Variants in KCNIP4 observed in about 807,000 individuals in gnomAD.
KCNIP4 encodes potassium voltage-gated channel interacting protein 4, also known as Kv channel-interacting protein 4.
A neutral mutation model predicts 34.0 loss-of-function variants in KCNIP4; 12 were observed. The observed-to-expected ratio is 0.35, with a 90% CI of 0.23 to 0.57. The LOEUF (loss-of-function observed/expected upper bound fraction) is 0.57. Among genes scored for constraint, KCNIP4 ranks in the 20% least tolerant of loss-of-function variants. The pLI is 0.83. For synonymous variants in KCNIP4, 124 were observed against 102.2 expected (o/e 1.21, Z -1.29); for missense variants, 238 against 311.7 (o/e 0.76, Z 1.78).
At chr4:21,556,930 A>AAAAAAAAAAAAAAACAAAAAAAAAC (rs1553903108) in intron 1 of KCNIP4, among the ~76,000 whole-genome samples, 42 of 108,216 alleles carry the variant, frequency 3.9e-4, no homozygotes, top group South Asian at 9.5e-4. Flanking sequence ...CAGAAAAAAA[A>AAAAAAAAAAAAAAACAAAAAAAAAC]AAAAAAAAAA....
intron 1 of KCNIP4, among the ~76,000 whole-genome samples, chr4:21,148,659 A>G (rs1752554714): frequency 6.6e-6 from 1 of 151,818 alleles, no homozygotes; most frequent in Non-Finnish European, 1.5e-5. Context: ...AAAGAACTGG[A>G]CCAAATTCCA....
intron 1 of KCNIP4, among the ~76,000 whole-genome samples, chr4:21,397,901 T>G (rs1484424600): frequency 2.0e-5 from 3 of 152,206 alleles, no homozygotes; most frequent in Non-Finnish European, 4.4e-5. Context: ...TGACATGTTA[T>G]TCTAAGATGA....
chr4:21,757,166 A>AGAAAGAAAGAAG (rs1717639421), intron 1 of KCNIP4, among the ~76,000 whole-genome samples: 1 of 46,378 alleles, frequency 2.2e-5, no homozygotes, highest in African/African-American at 1.2e-4. Context: ...AAAGAAAGAA[A>AGAAAGAAAGAAG]GAAGGAAGGA....
intron 1 of KCNIP4, among the ~76,000 whole-genome samples, chr4:21,653,419 C>T (rs890816028): frequency 2.0e-5 from 3 of 152,164 alleles, no homozygotes; most frequent in Non-Finnish European, 4.4e-5. Context: ...TTGGAACAGT[C>T]TTGTACATGT....
rs1042761043 is a variant in KCNIP4, at chr4:21,157,108, G to A, written c.62-274399C>T. 1.1e-4 allele frequency among the ~76,000 whole-genome samples: 17 copies of A among 152,010 alleles called. 1 individual carries two copies. The highest frequency in any genetic ancestry group is 3.9e-4 in the Admixed American group (6 of 15,242). On this transcript the variant is annotated intron_variant, in intron 1 of 8. Transcript: ENST00000382152. ...AGACATGTAACCTCGCTGAGGCTTC[G>A]TTTTACTCTCTGCAAAAGACAGTTA...
At chr4:21,335,476 C>T (rs1304909848) in intron 1 of KCNIP4, among the ~76,000 whole-genome samples, 3 of 152,136 alleles carry the variant, frequency 2.0e-5, no homozygotes, top group Non-Finnish European at 4.4e-5. Flanking sequence ...CATGCAGAAT[C>T]CAGGATTTAC....
chr4:21,548,360 A>T (rs1387492114), intron 1 of KCNIP4, among the ~76,000 whole-genome samples: 4 of 152,158 alleles, frequency 2.6e-5, no homozygotes, highest in Non-Finnish European at 1.5e-5. Flanking sequence ...GTCTCTTTGC[A>T]TCAATAAAAC....
At chr4:21,510,636 C>T (rs185269185) in intron 1 of KCNIP4, among the ~76,000 whole-genome samples, 179 of 152,222 alleles carry the variant, frequency 1.2e-3, no homozygotes, top group African/African-American at 4.1e-3. Flanking sequence ...GTTGATGATA[C>T]TCTCTAAGCC....
chr4:21,111,510 C>T (rs1317389868), intron 1 of KCNIP4, among the ~76,000 whole-genome samples: 5 of 152,158 alleles, frequency 3.3e-5, no homozygotes, highest in African/African-American at 1.2e-4. Context: ...AAGTCCTTCT[C>T]ATCTAGAACA....
chr4:21,508,118 G>A (rs1734000441), intron 1 of KCNIP4, among the ~76,000 whole-genome samples: 1 of 152,138 alleles, frequency 6.6e-6, no homozygotes, highest in Non-Finnish European at 1.5e-5. Context: ...GGTTTGAATA[G>A]GTGATATTTA....
intron 1 of KCNIP4, among the ~76,000 whole-genome samples, chr4:21,453,890 T>A (rs1728714883): frequency 6.6e-6 from 1 of 152,088 alleles, no homozygotes; most frequent in African/African-American, 2.4e-5. Flanking sequence ...TTTAAAGCAC[T>A]GTCCTGTCAC....
At chr4:21,918,013 G>A (rs937646700) in intron 1 of KCNIP4, among the ~76,000 whole-genome samples, 3 of 152,134 alleles carry the variant, frequency 2.0e-5, no homozygotes, top group African/African-American at 7.2e-5. Flanking sequence ...GGTGTCATTG[G>A]GTTCAAGAAC....
intron 7 of KCNIP4, 110 bp downstream of exon 7, chr4:20,732,571 C>G: frequency 1.4e-6 from 1 of 719,572 alleles, no homozygotes; most frequent in Middle Eastern, 2.3e-4. Context: ...TGTTTTGTTT[C>G]AGTAAAAATT....
At chr4:21,456,344 T>G (rs1297556215) in intron 1 of KCNIP4, among the ~76,000 whole-genome samples, 3 of 147,888 alleles carry the variant, frequency 2.0e-5, no homozygotes, top group African/African-American at 7.9e-5. Context: ...TAAGCACGTT[T>G]GAATGATGGC....
intron 1 of KCNIP4, among the ~76,000 whole-genome samples, chr4:21,273,120 C>A (rs920793936): frequency 6.6e-6 from 1 of 152,028 alleles, no homozygotes; most frequent in Non-Finnish European, 1.5e-5. Context: ...ACTGATAGTA[C>A]ATCAAAAGTG....
intron 1 of KCNIP4, among the ~76,000 whole-genome samples, chr4:21,268,149 T>A (rs1761931848): frequency 6.6e-6 from 1 of 152,224 alleles, no homozygotes; most frequent in African/African-American, 2.4e-5. Flanking sequence ...AGGTCACTTT[T>A]AATGATTTAG....
Position 20,779,588 on chromosome 4 carries a change from C to CA in KCNIP4, c.289-20699dup, listed in dbSNP as rs1491437590. Among the ~76,000 whole-genome samples, 184 of 82,130 alleles carry CA rather than the reference C, an allele frequency of 2.2e-3. 2 individuals are homozygous for CA. In the East Asian group the frequency reaches 0.032, roughly 14 times the overall value. The allele number at this position is 82,130 out of a possible 152,430, so 53.9% of individuals were successfully genotyped here. On this transcript the variant is annotated intron_variant, in intron 3 of 8. Transcript: ENST00000382152. ...CCCCTGCCCCACAACCCCCCCCCCCCACACAAAAAAGAAATGAAAACAAAA... is the reference window on the plus strand; with the variant it reads ...CCCCTGCCCCACAACCCCCCCCCCCCAACACAAAAAAGAAATGAAAACAAAA...
chr4:20,952,318 A>G (rs1732867044), intron 1 of KCNIP4, among the ~76,000 whole-genome samples: 1 of 152,208 alleles, frequency 6.6e-6, no homozygotes, highest in African/African-American at 2.4e-5. Flanking sequence ...TAAATATTCA[A>G]AGAACAAAGG....
intron 1 of KCNIP4, among the ~76,000 whole-genome samples, chr4:21,720,472 T>C (rs2079587580): frequency 6.6e-6 from 1 of 152,102 alleles, no homozygotes; most frequent in Non-Finnish European, 1.5e-5. Context: ...TTATTTGTTT[T>C]ACAGTAAAAG....
Sources: gnomAD v4.1 joint callset for allele counts (sites outside exome capture counted in the v4.1 genomes callset) on GRCh38, gnomAD v4.1.1 for gene constraint, MANE v1.5 for transcripts, NCBI Gene and HGNC (gene_info 2026-07-23, HGNC 2026-07-21) for gene names.